The following TEX11 variants were observed in gnomAD, a reference collection of about 807,000 sequenced individuals.
TEX11 encodes testis expressed 11.
Under a neutral mutation model 84.4 loss-of-function variants are expected in TEX11, and 7 were observed. That is an observed-to-expected ratio of 0.08 (90% CI 0.05 to 0.16). The LOEUF (loss-of-function observed/expected upper bound fraction) is 0.16, where lower values mean the gene tolerates loss of function less well. Among genes scored for constraint, TEX11 ranks in the 10% least tolerant of loss-of-function variants. TEX11 has a pLI of 1.00. For missense variants in TEX11, 551 were observed against 660.5 expected (o/e 0.83, Z 1.82); for synonymous variants, 264 against 222.8 (o/e 1.18, Z -1.64).
chrX:70,717,859 C>A (rs980469753), intron 13 of TEX11, among the ~76,000 whole-genome samples: 1 of 111,655 alleles, frequency 9.0e-6, no homozygotes, highest in Admixed American at 9.5e-5. Flanking sequence ...ATTAACCGAA[C>A]GATGGTATAA....
At chrX:70,740,931 G>A (rs2090729525) in intron 10 of TEX11, 135 bp from the exon 11 acceptor site, 3 of 394,031 alleles carry the variant, frequency 7.6e-6, no homozygotes, top group African/African-American at 2.5e-5. Context: ...TTCCTTAAGC[G>A]ACCACAGTCT....
At chrX:70,814,017 T>C (rs1435436191) in intron 8 of TEX11, among the ~76,000 whole-genome samples, 1 of 111,562 alleles carries the variant, frequency 9.0e-6, no homozygotes, top group East Asian at 2.8e-4. Context: ...ATGAAAATGG[T>C]CATACTGCCC....
intron 13 of TEX11, among the ~76,000 whole-genome samples, chrX:70,710,807 C>CT (rs1265622890): frequency 1.8e-5 from 2 of 110,917 alleles, no homozygotes; most frequent in East Asian, 5.6e-4. Context: ...TTTTTTTATA[C>CT]TTTAAGTTTT....
chrX:70,859,150 G>A lies in TEX11; in HGVS notation c.324+1707C>T, dbSNP rs373963684. 1.1e-4 allele frequency among the ~76,000 whole-genome samples: 12 copies of A among 111,068 alleles called. No homozygotes were observed. In the South Asian group the frequency reaches 4.6e-3, roughly 43 times the overall value. On this transcript the variant is annotated intron_variant, in intron 5 of 29. Transcript: ENST00000374333. ...TTGATGATTACTCTAACTGAGTGAT[G>A]GGTAAATGGAGGGAATCATTGTACT...
chrX:70,754,036 A>C (rs1347291758), intron 9 of TEX11, among the ~76,000 whole-genome samples: 1 of 109,129 alleles, frequency 9.2e-6, no homozygotes, highest in South Asian at 4.1e-4. Context: ...GGCTTCAGGG[A>C]GAGGCCCTTC....
At chrX:70,582,870 C>T (rs1355367239) in intron 25 of TEX11, among the ~76,000 whole-genome samples, 2 of 108,422 alleles carry the variant, frequency 1.8e-5, no homozygotes, top group African/African-American at 3.4e-5. Context: ...CTCAGCCTCC[C>T]GAGTAGCTGG....
At position 70,875,669 on chromosome X, in the gene TEX11, A is replaced by C. The variant is rs757793405; in HGVS notation, c.160-2362T>G. Among the ~76,000 whole-genome samples, 7 of 110,469 alleles carry C rather than the reference A, an allele frequency of 6.3e-5. No homozygotes were observed. The South Asian group carries it at 2.7e-3, about 43-fold the overall frequency. The stretch of plus-strand genomic sequence containing the variant: ...GGAGGCTGAGGCAGAAGAATCACTT[A>C]AACCTGAGAGGTGGAGGTTGCAGTG... On this transcript the variant is annotated intron_variant, in intron 3 of 29. Coordinates refer to ENST00000374333, the MANE Select transcript of TEX11 (RefSeq NM_031276.3).
Position 70,692,679 on chromosome X carries a change from GTA to G in TEX11, c.1005-9856_1005-9855del, listed in dbSNP as rs201316682. ...CGTTTGCGTGTGTGTATATATATAT[GTA>G]TATATATATATATCACATTTTGCTT... On this transcript the variant is annotated intron_variant, in intron 13 of 29. Coordinates refer to ENST00000374333, the MANE Select transcript of TEX11 (RefSeq NM_031276.3). Among the ~76,000 whole-genome samples, 297 of 106,370 alleles carry G rather than the reference GTA, an allele frequency of 2.8e-3. 6 individuals carry two copies. In the East Asian group the frequency reaches 0.043, roughly 15 times the overall value. 92.4% of individuals were successfully genotyped at this position (106,370 alleles called of 115,157 possible).
chrX:70,722,855 A>T (rs774309117), intron 12 of TEX11, among the ~76,000 whole-genome samples, 159 bp from the exon 13 acceptor site: 8 of 112,187 alleles, frequency 7.1e-5, no homozygotes, highest in Non-Finnish European at 1.9e-5. Flanking sequence ...AAGTATTAAC[A>T]TCCAGTGCTG....
chrX:70,725,980 A>G lies in TEX11; in HGVS notation c.844-637T>C, dbSNP rs777824200. On this transcript the variant is annotated intron_variant, in intron 11 of 29. Coordinates refer to ENST00000374333, the MANE Select transcript of TEX11 (RefSeq NM_031276.3). ...TGATTAGCTCCATACTCTGCACATA[A>G]TTACAGGTATTCATATGTGAGATGT... 6.2e-5 allele frequency among the ~76,000 whole-genome samples: 7 copies of G among 112,298 alleles called. No individual in the cohort carries two copies. In the East Asian group the frequency reaches 2.0e-3, roughly 31 times the overall value.
chrX:70,742,455 G>T (rs1392694200), intron 10 of TEX11, among the ~76,000 whole-genome samples: 2 of 109,787 alleles, frequency 1.8e-5, no homozygotes, highest in African/African-American at 6.6e-5. Context: ...TAGGCCAGGT[G>T]CAGTGGCTCA....
chrX:70,641,207 A>G (rs910738546), intron 17 of TEX11, among the ~76,000 whole-genome samples: 1 of 111,854 alleles, frequency 8.9e-6, no homozygotes, highest in Non-Finnish European at 1.9e-5. Flanking sequence ...CAATTCAACA[A>G]GAACAGCTAA....
intron 17 of TEX11, among the ~76,000 whole-genome samples, chrX:70,649,927 T>C (rs147290040): frequency 5.2e-3 from 587 of 112,200 alleles, no homozygotes; most frequent in Middle Eastern, 0.014. Flanking sequence ...TGAATGCATT[T>C]TTCCATACTG....
intron 4 of TEX11, among the ~76,000 whole-genome samples, chrX:70,871,038 A>G (rs1038655772): frequency 3.6e-5 from 4 of 111,851 alleles, no homozygotes; most frequent in Non-Finnish European, 7.5e-5. Flanking sequence ...TCAGCCTCCC[A>G]AGTAGCTGGG....
intron 2 of TEX11, among the ~76,000 whole-genome samples, chrX:70,886,248 T>C (rs1162674738): frequency 1.8e-5 from 2 of 111,852 alleles, no homozygotes; most frequent in Non-Finnish European, 3.8e-5. Flanking sequence ...TACAATAAAA[T>C]GCCATTTAGT....
At chrX:70,852,139 C>A (rs2091511868) in intron 7 of TEX11, among the ~76,000 whole-genome samples, 1 of 111,804 alleles carries the variant, frequency 8.9e-6, no homozygotes, top group African/African-American at 3.2e-5. Flanking sequence ...TGAATTATAT[C>A]TCAGTAAATA....
At chrX:70,638,910 C>G (rs1248752805) in intron 17 of TEX11, among the ~76,000 whole-genome samples, 3 of 109,768 alleles carry the variant, frequency 2.7e-5, no homozygotes, top group African/African-American at 9.9e-5. Context: ...ATTGGAGGAG[C>G]CAAGATGGCC....
At position 70,528,990 on chromosome X, in the gene TEX11, A is replaced by C. The variant is rs773908486; in HGVS notation, c.*105T>G. On this transcript the variant is annotated 3_prime_UTR_variant, in exon 30 of 30. Transcript: ENST00000374333. Reference sequence around the variant, plus strand: ...AAAGTTTATTCAACAACATGAAAACAGGGTCTGAGCAAACAGAAACAAAAG... The same window carrying C: ...AAAGTTTATTCAACAACATGAAAACCGGGTCTGAGCAAACAGAAACAAAAG... 21 of 562,698 alleles carry C rather than the reference A, an allele frequency of 3.7e-5. No individual in the cohort carries two copies. The highest frequency in any genetic ancestry group is 2.6e-5 in the Non-Finnish European group (9 of 345,285). The allele number at this position is 562,698 out of a possible 1,213,427, so 46.4% of individuals were successfully genotyped here.
intron 2 of TEX11, among the ~76,000 whole-genome samples, chrX:70,883,891 A>G (rs1315085780): frequency 9.0e-6 from 1 of 111,615 alleles, no homozygotes; most frequent in African/African-American, 3.3e-5. Flanking sequence ...AGCTTCTGTT[A>G]CAACATGCAA....
Sources: gnomAD v4.1 joint callset for allele counts (sites outside exome capture counted in the v4.1 genomes callset) on GRCh38, gnomAD v4.1.1 for gene constraint, MANE v1.5 for transcripts, NCBI Gene and HGNC (gene_info 2026-07-23, HGNC 2026-07-21) for gene names.